The following DIP2C variants were observed in gnomAD, a reference collection of about 807,000 sequenced individuals.
The protein encoded by DIP2C is DIP2 acetate--CoA ligase C (putative).
In DIP2C, 33 loss-of-function variants were observed where a neutral mutation model predicts 192.4. The observed-to-expected ratio is 0.17, with a 90% CI of 0.13 to 0.23. The LOEUF (loss-of-function observed/expected upper bound fraction) is 0.23, where lower values mean the gene tolerates loss of function less well. Among genes scored for constraint, DIP2C ranks in the 10% least tolerant of loss-of-function variants. The probability of loss-of-function intolerance (pLI) is 1.00; values close to 1 mark genes in which losing one functional copy is unlikely to be tolerated. For synonymous variants in DIP2C, 979 were observed against 864.1 expected (o/e 1.13, Z -2.33); for missense variants, 1,537 against 2,110.1 (o/e 0.73, Z 5.32).
chr10:335,780 TTAAC>T (rs1285629806), intron 29 of DIP2C, among the ~76,000 whole-genome samples: 4 of 152,244 alleles, frequency 2.6e-5, no homozygotes, highest in Non-Finnish European at 4.4e-5. Flanking sequence ...TCTCTTTCCT[TTAAC>T]TATTTCGTGG....
rs551959409 is a variant in DIP2C at position 592,700 on chromosome 10, T to C, written c.85+96794A>G. On this transcript the variant is annotated intron_variant, in intron 1 of 36. Transcript: ENST00000280886. Reference sequence around the variant, plus strand: ...AACACTATTTTTAATTCTTTGTAAATTATAACTATTACTATGAAAATTCTA... The same window carrying C: ...AACACTATTTTTAATTCTTTGTAAACTATAACTATTACTATGAAAATTCTA... Among the ~76,000 whole-genome samples, 5 of 152,270 alleles carry C rather than the reference T, an allele frequency of 3.3e-5. No homozygotes were observed. In the South Asian group the frequency reaches 8.3e-4, roughly 25 times the overall value.
chr10:429,696 T>C (rs1160736924), intron 4 of DIP2C, among the ~76,000 whole-genome samples: 1 of 151,764 alleles, frequency 6.6e-6, no homozygotes, highest in Non-Finnish European at 1.5e-5. Flanking sequence ...GTTTCCTCCA[T>C]GTCTTTCTAT....
In DIP2C at chr10:636,035, G is replaced by A. The variant is rs996531745; in HGVS notation, c.85+53459C>T. 3.9e-5 allele frequency among the ~76,000 whole-genome samples: 6 copies of A among 152,330 alleles called. No individual in the cohort carries two copies. The highest frequency in any genetic ancestry group is 1.4e-4 in the African/African-American group (6 of 41,574). On this transcript the variant is annotated intron_variant, in intron 1 of 36. Coordinates refer to ENST00000280886, the MANE Select transcript of DIP2C (RefSeq NM_014974.3). This position sits in a 1 kb window ranked among gnomAD's most constrained non-coding sequence, Gnocchi z 4.6. Reference sequence around the variant, plus strand: ...GTGCTCATCTCAAAACTGTACAAGTGGTTTCTTTAGCCAGTTCTCCACATT... The same window carrying A: ...GTGCTCATCTCAAAACTGTACAAGTAGTTTCTTTAGCCAGTTCTCCACATT...
At chr10:535,295 A>G (rs900730301) in intron 1 of DIP2C, among the ~76,000 whole-genome samples, 4 of 151,646 alleles carry the variant, frequency 2.6e-5, no homozygotes, top group Non-Finnish European at 5.9e-5. Context: ...TGGGGAGAGG[A>G]GACAAGCAGC....
chr10:488,679 G>C (rs1844197203), intron 1 of DIP2C, among the ~76,000 whole-genome samples: 1 of 152,166 alleles, frequency 6.6e-6, no homozygotes, highest in South Asian at 2.1e-4. Flanking sequence ...TTCCTGCTTT[G>C]CCCTCTCCCA....
intron 3 of DIP2C, among the ~76,000 whole-genome samples, chr10:452,030 G>A (rs1014892338): frequency 2.6e-5 from 4 of 152,158 alleles, no homozygotes; most frequent in Non-Finnish European, 5.9e-5. Flanking sequence ...AGCTCGGGGC[G>A]ACTCCAGACG....
At chr10:624,474 G>C (rs1854073219) in intron 1 of DIP2C, among the ~76,000 whole-genome samples, 2 of 152,332 alleles carry the variant, frequency 1.3e-5, no homozygotes, top group Middle Eastern at 3.4e-3. Flanking sequence ...CCTCACTCAA[G>C]AGGCACACAG....
intron 1 of DIP2C, among the ~76,000 whole-genome samples, chr10:593,696 C>T (rs1339258744): frequency 6.6e-6 from 1 of 152,158 alleles, no homozygotes; most frequent in African/African-American, 2.4e-5. Context: ...CGGCCTGGGG[C>T]ACCACCTGAA....
chr10:359,762 T>G (rs745923662), intron 22 of DIP2C, among the ~76,000 whole-genome samples: 2 of 152,206 alleles, frequency 1.3e-5, no homozygotes, highest in Non-Finnish European at 2.9e-5. Flanking sequence ...CTCTACCAGA[T>G]AGAAGCGTCT....
chr10:298,159 A>T (rs1002368034), intron 32 of DIP2C, among the ~76,000 whole-genome samples: 2 of 152,152 alleles, frequency 1.3e-5, no homozygotes, highest in Non-Finnish European at 1.5e-5. Context: ...AGGATTCCAC[A>T]TGACAATTGG....
intron 24 of DIP2C, among the ~76,000 whole-genome samples, chr10:352,067 C>T (rs1958839179): frequency 6.6e-6 from 1 of 152,256 alleles, no homozygotes; most frequent in Admixed American, 6.5e-5. Flanking sequence ...ATTCTCATGC[C>T]AGGCCTGCCT....
At chr10:330,844 A>C in intron 29 of DIP2C, among the ~76,000 whole-genome samples, 1 of 135,720 alleles carries the variant, frequency 7.4e-6, no homozygotes, top group Non-Finnish European at 1.5e-5. Flanking sequence ...ACAGGGTCTC[A>C]CTCTGTCACC....
intron 14 of DIP2C, among the ~76,000 whole-genome samples, chr10:386,423 A>G (rs1002733756): frequency 2.6e-5 from 4 of 152,222 alleles, no homozygotes; most frequent in Non-Finnish European, 2.9e-5. Flanking sequence ...CCAATCCCAA[A>G]GCAGGGGCTC....
intron 4 of DIP2C, among the ~76,000 whole-genome samples, chr10:432,409 G>GAACA (rs1966869373): frequency 1.3e-5 from 2 of 152,008 alleles, no homozygotes; most frequent in African/African-American, 2.4e-5. Flanking sequence ...TTCAAATTTT[G>GAACA]GCAGATTCTG....
Position 496,089 on chromosome 10 carries a change from C to CAATG in DIP2C, c.86-9560_86-9559insCATT, listed in dbSNP as rs1409413539. Among the ~76,000 whole-genome samples, 6 of 140,188 alleles carry CAATG rather than the reference C, an allele frequency of 4.3e-5. No individual in the cohort carries two copies. The East Asian group carries it at 7.8e-4, about 18-fold the overall frequency. The allele number at this position is 140,188 out of a possible 152,430, so 92.0% of individuals were successfully genotyped here. A position where few individuals can be genotyped will look rare whatever the true frequency, so the allele number is the denominator to read the frequency against. On this transcript the variant is annotated intron_variant, in intron 1 of 36. Coordinates refer to ENST00000280886, the MANE Select transcript of DIP2C (RefSeq NM_014974.3). ...AACTTGAGTGCTGAGTACACAGAAC[C>CAATG]CACGGTGCCCTCCCGTGTACTTAAA...
At chr10:440,481 TACA>T (rs1387211906) in intron 4 of DIP2C, among the ~76,000 whole-genome samples, 2 of 152,166 alleles carry the variant, frequency 1.3e-5, no homozygotes, top group Non-Finnish European at 2.9e-5. Context: ...TCTAAAACAA[TACA>T]ACAATATAGC....
intron 8 of DIP2C, among the ~76,000 whole-genome samples, chr10:409,330 G>A (rs1266347699): frequency 2.0e-5 from 3 of 152,182 alleles, no homozygotes; most frequent in Non-Finnish European, 4.4e-5. Context: ...GGCGCGGACA[G>A]TGCACACACC....
At chr10:586,176 G>C (rs1435279138) in intron 1 of DIP2C, among the ~76,000 whole-genome samples, 1 of 152,138 alleles carries the variant, frequency 6.6e-6, no homozygotes, top group African/African-American at 2.4e-5. Flanking sequence ...TTCTCTGGGA[G>C]AGAGAATTAA....
In DIP2C at chr10:330,963, C is replaced by T. The variant is rs542346439; in HGVS notation, c.3585-1362G>A. Among the ~76,000 whole-genome samples the T allele has an allele frequency of 4.0e-5, 6 of 148,330 alleles. No individual in the cohort carries two copies. The South Asian group carries it at 1.3e-3, about 32-fold the overall frequency. ...AGTAGCTGGGACTACAGATGCACAA[C>T]ACTATGCCTGGCTAATTTTTTTTTT... is the stretch of plus-strand genomic sequence containing the variant. On this transcript the variant is annotated intron_variant, in intron 29 of 36. Transcript: ENST00000280886.
Sources: gnomAD v4.1 joint callset for allele counts (sites outside exome capture counted in the v4.1 genomes callset) on GRCh38, gnomAD v4.1.1 for gene constraint, Gnocchi (gnomAD v3.1) non-coding constraint, MANE v1.5 for transcripts, NCBI Gene and HGNC (gene_info 2026-07-23, HGNC 2026-07-21) for gene names.